Variants in RGS20 observed in about 807,000 individuals in gnomAD.
RGS20 encodes the protein regulator of G protein signaling 20.
RGS20 carries 30 observed loss-of-function variants against 33.6 expected under a neutral mutation model. That is an observed-to-expected ratio of 0.89 (90% confidence interval 0.67 to 1.21). RGS20 has a LOEUF of 1.21. RGS20 is among the 50% of genes most tolerant of loss of function. RGS20 has a pLI of 0.00. For synonymous variants in RGS20, 208 were observed against 197.9 expected (o/e 1.05, Z -0.43); for missense variants, 472 against 502.4 (o/e 0.94, Z 0.58).
intron 2 of RGS20, among the ~76,000 whole-genome samples, chr8:53,892,783 A>T (rs1260950293): frequency 6.6e-6 from 1 of 152,158 alleles, no homozygotes; most frequent in Non-Finnish European, 1.5e-5. Flanking sequence ...GTATAATTTG[A>T]TTTTAAACAT....
chr8:53,951,359 C>T (rs866457427), intron 4 of RGS20, among the ~76,000 whole-genome samples: 5 of 151,978 alleles, frequency 3.3e-5, no homozygotes, highest in Non-Finnish European at 2.9e-5. Context: ...TGTGATGGTG[C>T]GTGCCTGCAG....
intron 2 of RGS20, among the ~76,000 whole-genome samples, chr8:53,919,216 T>C (rs536029295): frequency 3.3e-5 from 5 of 152,338 alleles, no homozygotes; most frequent in African/African-American, 1.2e-4. Context: ...AAATCCTTTC[T>C]CCATTTTTAA....
chr8:53,949,744 A>C (rs1814656922), intron 4 of RGS20, among the ~76,000 whole-genome samples: 1 of 151,894 alleles, frequency 6.6e-6, no homozygotes, highest in Non-Finnish European at 1.5e-5. Flanking sequence ...ATAAAGGGAG[A>C]GGGAGAAAGA....
At chr8:53,878,293 C>T (rs1223349629) in intron 1 of RGS20, among the ~76,000 whole-genome samples, 2 of 151,996 alleles carry the variant, frequency 1.3e-5, no homozygotes, top group East Asian at 3.9e-4. Flanking sequence ...TGGCAGGTGA[C>T]CTTAAAAAGC....
At chr8:53,947,290 A>C (rs1480028770) in intron 4 of RGS20, among the ~76,000 whole-genome samples, 1 of 142,714 alleles carries the variant, frequency 7.0e-6, no homozygotes, top group African/African-American at 2.5e-5. Flanking sequence ...ATATATATTT[A>C]TACATGCTAT....
intron 1 of RGS20, among the ~76,000 whole-genome samples, chr8:53,862,905 C>T (rs1255954796): frequency 1.3e-5 from 2 of 152,128 alleles, no homozygotes; most frequent in African/African-American, 4.8e-5. Flanking sequence ...TTTAGATACA[C>T]GAAATCACAA....
chr8:53,921,442 CTT>C (rs879442015), intron 2 of RGS20, among the ~76,000 whole-genome samples: 42 of 125,124 alleles, frequency 3.4e-4, no homozygotes, highest in Admixed American at 6.4e-4. Context: ...CTGAGCTTTT[CTT>C]TTTTTTTTTT....
intron 3 of RGS20, among the ~76,000 whole-genome samples, chr8:53,946,255 G>T (rs1246335512): frequency 6.6e-6 from 1 of 151,942 alleles, no homozygotes; most frequent in African/African-American, 2.4e-5. Flanking sequence ...TAGAGACAGG[G>T]TCTCGCTATG....
At chr8:53,882,010 G>C (rs780755838) in intron 2 of RGS20, among the ~76,000 whole-genome samples, 1 of 152,134 alleles carries the variant, frequency 6.6e-6, no homozygotes, top group Non-Finnish European at 1.5e-5. Context: ...AGCGCTGGGG[G>C]AGCGGACGGG....
At chr8:53,861,585 AG>A (rs1307859908) in intron 1 of RGS20, among the ~76,000 whole-genome samples, 2 of 152,164 alleles carry the variant, frequency 1.3e-5, no homozygotes, top group African/African-American at 2.4e-5. Context: ...TGCTTCTGTG[AG>A]TTGTATTTAA....
chr8:53,937,291 T>TA lies in RGS20; in HGVS notation c.511-2283dup, dbSNP rs565134024. Reference sequence around the variant, plus strand: ...ATGTACCCTAGAACTTAAAGTATAATAATAAATAAATAAATAAATAAACAT... The same window carrying TA: ...ATGTACCCTAGAACTTAAAGTATAATAAATAAATAAATAAATAAATAAACAT... On this transcript the variant is annotated intron_variant, in intron 2 of 5. Transcript: ENST00000297313. Among the ~76,000 whole-genome samples, 475 of 151,360 alleles carry TA rather than the reference T, an allele frequency of 3.1e-3. 2 individuals are homozygous for TA. Among genetic ancestry groups the TA allele is most frequent in the Non-Finnish European group, 5.4e-3 (367 of 67,804 alleles).
intron 2 of RGS20, 77 bp downstream of exon 1, chr8:53,881,161 G>A (rs1243367940): frequency 9.2e-7 from 1 of 1,086,532 alleles, no homozygotes; most frequent in African/African-American, 1.6e-5. Flanking sequence ...AAGTGGCCGA[G>A]GCTGGGAGGG....
intron 4 of RGS20, among the ~76,000 whole-genome samples, chr8:53,947,667 T>C (rs1479289877): frequency 1.1e-5 from 1 of 92,600 alleles, no homozygotes; most frequent in Non-Finnish European, 2.0e-5. Flanking sequence ...ATGCTATATA[T>C]AGGATATAGT....
intron 4 of RGS20, among the ~76,000 whole-genome samples, chr8:53,953,469 T>G (rs945033584): frequency 6.6e-6 from 1 of 151,670 alleles, no homozygotes; most frequent in Non-Finnish European, 1.5e-5. Context: ...TTCAGTAAGC[T>G]GTGATCACAC....
intron 2 of RGS20, among the ~76,000 whole-genome samples, chr8:53,891,270 G>A (rs1438536800): frequency 6.6e-6 from 1 of 152,156 alleles, no homozygotes; most frequent in African/African-American, 2.4e-5. Context: ...GTTCTCTGAT[G>A]ACTTTAGAAA....
chr8:53,864,267 A>G (rs1238685065), intron 1 of RGS20, among the ~76,000 whole-genome samples: 1 of 151,594 alleles, frequency 6.6e-6, no homozygotes, highest in African/African-American at 2.4e-5. Context: ...CCGTCTCTAC[A>G]AAAATACAAA....
chr8:53,851,833 G>A lies in RGS20; in HGVS notation c.-67G>A. On this transcript the variant is annotated 5_prime_UTR_variant, in exon 1 of 6. Coordinates refer to ENST00000297313, the MANE Select transcript of RGS20 (RefSeq NM_170587.4). ...CATTAACCAAACAAAGAGAAGCAGA[G>A]TGGATCCTGTGCTAATATTGGGAAA... 2.6e-6 allele frequency: 4 copies of A among 1,530,996 alleles called. No individual in the cohort carries two copies. The highest frequency in any genetic ancestry group is 3.6e-6 in the Non-Finnish European group (4 of 1,124,372). The allele number at this position is 1,530,996 out of a possible 1,614,324, so 94.8% of individuals were successfully genotyped here. A position where few individuals can be genotyped will look rare whatever the true frequency, so the allele number is the denominator to read the frequency against.
chr8:53,933,655 G>A (rs1006649749), intron 2 of RGS20: 2 of 153,310 alleles, frequency 1.3e-5, no homozygotes, highest in Non-Finnish European at 1.5e-5. Context: ...AAAGTGACGG[G>A]GAGAATGGAA....
chr8:53,948,168 CTA>C (rs1337491662), intron 4 of RGS20, among the ~76,000 whole-genome samples: 38 of 123,468 alleles, frequency 3.1e-4, no homozygotes, highest in African/African-American at 6.0e-4. Context: ...TTTATATATG[CTA>C]TATATATGAT....
Sources: allele counts gnomAD v4.1 joint callset (sites outside exome capture counted in the v4.1 genomes callset), GRCh38; gene constraint gnomAD v4.1.1; transcripts MANE v1.5; gene names NCBI Gene and HGNC (gene_info 2026-07-23, HGNC 2026-07-21).